Variants in KLHL1 observed in about 807,000 individuals in gnomAD.
KLHL1 encodes kelch-like protein 1.
In KLHL1, 47 loss-of-function variants were observed where a neutral mutation model predicts 77.7. The observed-to-expected ratio is 0.60, with a 90% CI of 0.48 to 0.77. The LOEUF is 0.77. Ranked by LOEUF, KLHL1 falls within the 30% of genes least tolerant of loss-of-function variation. The pLI, the probability that KLHL1 is intolerant of heterozygous loss-of-function variation, is 0.00. For synonymous variants in KLHL1, 360 were observed against 325.2 expected (o/e 1.11, Z -1.15); for missense variants, 925 against 910.8 (o/e 1.02, Z -0.20).
chr13:69,880,821 A>G (rs1035260856), intron 5 of KLHL1, among the ~76,000 whole-genome samples: 11 of 152,108 alleles, frequency 7.2e-5, no homozygotes, highest in Non-Finnish European at 1.6e-4. Context: ...CATAATTCCA[A>G]ACTCCCCACA....
intron 4 of KLHL1, among the ~76,000 whole-genome samples, chr13:69,883,373 AC>A (rs1881073263): frequency 6.6e-6 from 1 of 152,152 alleles, no homozygotes; most frequent in Non-Finnish European, 1.5e-5. Context: ...ACTTAAAATG[AC>A]TTTTATCAAC....
chr13:69,925,294 T>A (rs1882778834), intron 4 of KLHL1, among the ~76,000 whole-genome samples: 1 of 152,216 alleles, frequency 6.6e-6, no homozygotes, highest in Non-Finnish European at 1.5e-5. Context: ...TGCTTCAAAA[T>A]TTTAGCTGTA....
intron 3 of KLHL1, among the ~76,000 whole-genome samples, chr13:69,950,098 T>G (rs979359914): frequency 4.0e-5 from 6 of 151,714 alleles, no homozygotes; most frequent in Non-Finnish European, 7.4e-5. Context: ...TTATGTTTTT[T>G]GAGTACTAAT....
At chr13:69,750,935 G>T (rs79790092) in intron 7 of KLHL1, among the ~76,000 whole-genome samples, 23 of 152,074 alleles carry the variant, frequency 1.5e-4, no homozygotes, top group African/African-American at 5.3e-4. Flanking sequence ...ACTGGGATGA[G>T]GTCCAGACAC....
chr13:69,839,226 TAA>T, intron 5 of KLHL1, 64 bp from the exon 6 acceptor site: 1 of 1,154,052 alleles, frequency 8.7e-7, no homozygotes, highest in Non-Finnish European at 1.2e-6. Flanking sequence ...TGTCATTCCT[TAA>T]AACTAGAAGT....
intron 5 of KLHL1, among the ~76,000 whole-genome samples, chr13:69,881,952 C>T (rs1278955416): frequency 6.6e-6 from 1 of 152,026 alleles, no homozygotes; most frequent in Non-Finnish European, 1.5e-5. Flanking sequence ...TATGATTAGG[C>T]TTTTTACATA....
intron 1 of KLHL1, among the ~76,000 whole-genome samples, chr13:70,016,972 C>T (rs1446582972): frequency 6.6e-6 from 1 of 152,190 alleles, no homozygotes; most frequent in Non-Finnish European, 1.5e-5. Flanking sequence ...AAGCTACCCA[C>T]TGTGGGTCCC....
chr13:70,094,497 A>T (rs925542839), intron 1 of KLHL1, among the ~76,000 whole-genome samples: 1 of 151,646 alleles, frequency 6.6e-6, no homozygotes, highest in African/African-American at 2.4e-5. Flanking sequence ...GTCTCATAAA[A>T]TTATGTAGTC....
chr13:69,884,450 C>T (rs191179023), intron 4 of KLHL1, among the ~76,000 whole-genome samples: 1,589 of 146,956 alleles, frequency 0.011, 13 homozygotes, highest in Middle Eastern at 0.046. Context: ...AAAAAAACTA[C>T]GTGAAGCTAA....
rs1240254312 is a variant in KLHL1 at position 69,701,483 on chromosome 13, T to G, written c.*219A>C. ...AAATTACCAATAACCATTCCCGAACTAACTAACATATGGCCAGACATTTTT... is the reference window on the plus strand; with the variant it reads ...AAATTACCAATAACCATTCCCGAACGAACTAACATATGGCCAGACATTTTT... On this transcript the variant is annotated 3_prime_UTR_variant, in exon 11 of 11. Transcript: ENST00000377844. The G allele has an allele frequency of 4.3e-6, 2 of 466,684 alleles. No individual in the cohort carries two copies. Among genetic ancestry groups the G allele is most frequent in the Non-Finnish European group, 3.8e-6 (1 of 261,028 alleles). 28.9% of individuals were successfully genotyped at this position (466,684 alleles called of 1,614,324 possible).
At chr13:69,961,053 T>C (rs1884048434) in intron 3 of KLHL1, among the ~76,000 whole-genome samples, 1 of 152,010 alleles carries the variant, frequency 6.6e-6, no homozygotes, top group Non-Finnish European at 1.5e-5. Context: ...ACCCTGTTTC[T>C]CTCCCAGGTT....
Position 69,903,790 on chromosome 13 carries a change from T to G in KLHL1, c.1015-21295A>C, listed in dbSNP as rs565535553. ...CCGAGTAGCTGGGATTACAGGTGCG[T>G]ACCACCATGCCCAGCTAATTTTTGT... On this transcript the variant is annotated intron_variant, in intron 4 of 10. Transcript: ENST00000377844. Among the ~76,000 whole-genome samples the G allele has an allele frequency of 1.3e-3, 198 of 151,486 alleles. 3 individuals are homozygous for G. The highest frequency in any genetic ancestry group is 4.7e-3 in the African/African-American group (193 of 41,320).
chr13:69,926,178 T>G (rs1034480535), intron 4 of KLHL1, among the ~76,000 whole-genome samples: 1 of 152,176 alleles, frequency 6.6e-6, no homozygotes, highest in South Asian at 2.1e-4. Context: ...CTCTCAAACA[T>G]CCTGCAACAT....
At chr13:69,948,722 T>C (rs1883609381) in intron 3 of KLHL1, among the ~76,000 whole-genome samples, 1 of 152,024 alleles carries the variant, frequency 6.6e-6, no homozygotes, top group African/African-American at 2.4e-5. Context: ...TGTATCAATG[T>C]GGTTCTATTT....
chr13:69,705,362 A>T (rs1247686531), intron 10 of KLHL1, among the ~76,000 whole-genome samples: 1 of 151,732 alleles, frequency 6.6e-6, no homozygotes. Flanking sequence ...AAAACTGTTA[A>T]TCGATTCCTA....
intron 1 of KLHL1, among the ~76,000 whole-genome samples, chr13:70,085,085 G>A (rs1887501025): frequency 6.6e-6 from 1 of 152,120 alleles, no homozygotes; most frequent in South Asian, 2.1e-4. Flanking sequence ...TAAATATGGT[G>A]TATAAAGACA....
intron 1 of KLHL1, among the ~76,000 whole-genome samples, chr13:69,982,961 C>T (rs576303328): frequency 6.6e-6 from 1 of 152,038 alleles, no homozygotes; most frequent in East Asian, 1.9e-4. Context: ...TGTAGAAAAC[C>T]TTAAAGAGTC....
intron 5 of KLHL1, among the ~76,000 whole-genome samples, chr13:69,869,992 T>C (rs1029196185): frequency 2.6e-5 from 4 of 152,150 alleles, no homozygotes; most frequent in Non-Finnish European, 5.9e-5. Context: ...GGGTGTTTTG[T>C]TTATTTGTTC....
intron 4 of KLHL1, among the ~76,000 whole-genome samples, chr13:69,885,094 C>G (rs992117927): frequency 7.1e-6 from 1 of 141,630 alleles, no homozygotes; most frequent in Non-Finnish European, 1.5e-5. Context: ...GCGCCCGCCA[C>G]CACGCCCGGC....
Sources: allele counts gnomAD v4.1 joint callset (sites outside exome capture counted in the v4.1 genomes callset), GRCh38; gene constraint gnomAD v4.1.1; transcripts MANE v1.5; gene names NCBI Gene and HGNC (gene_info 2026-07-23, HGNC 2026-07-21).